SCFD2: variants seen among roughly 807,000 people sequenced by gnomAD.
SCFD2 encodes sec1 family domain containing 2, also known as sec1 family domain-containing protein 2.
A neutral mutation model predicts 58.9 loss-of-function variants in SCFD2; 54 were observed. The observed-to-expected ratio is 0.92, with a 90% CI of 0.74 to 1.15. The LOEUF (loss-of-function observed/expected upper bound fraction) is 1.15, where lower values mean the gene tolerates loss of function less well. Among genes scored for constraint, SCFD2 ranks in the 50% most tolerant of loss-of-function variants. The pLI is 0.00. For missense variants in SCFD2, 805 were observed against 836.6 expected (o/e 0.96, Z 0.47); for synonymous variants, 321 against 335.9 (o/e 0.96, Z 0.49).
At chr4:53,109,682 AAGG>A (rs1725113184) in intron 5 of SCFD2, among the ~76,000 whole-genome samples, 1 of 152,230 alleles carries the variant, frequency 6.6e-6, no homozygotes, top group Admixed American at 6.5e-5. Context: ...GGACGTCTTC[AAGG>A]AGAACTACAA....
intron 5 of SCFD2, among the ~76,000 whole-genome samples, chr4:53,057,084 C>G (rs776332574): frequency 8.5e-5 from 13 of 152,128 alleles, no homozygotes; most frequent in Non-Finnish European, 1.6e-4. Flanking sequence ...ACTCTGGAGG[C>G]TGAGGCAGGA....
chr4:53,206,836 G>A (rs1370096885), intron 4 of SCFD2, among the ~76,000 whole-genome samples: 2 of 152,068 alleles, frequency 1.3e-5, no homozygotes, highest in Non-Finnish European at 2.9e-5. Context: ...CTATATGCAT[G>A]AGTTTGCCTG....
intron 3 of SCFD2, among the ~76,000 whole-genome samples, chr4:53,307,082 A>G (rs1445909760): frequency 6.6e-6 from 1 of 152,234 alleles, no homozygotes; most frequent in African/African-American, 2.4e-5. Context: ...TGAGAAGCAA[A>G]GCCTGGAAAA....
chr4:53,211,427 G>GT (rs1728610606), intron 4 of SCFD2, among the ~76,000 whole-genome samples: 1 of 152,150 alleles, frequency 6.6e-6, no homozygotes, highest in Admixed American at 6.5e-5. Flanking sequence ...ATTGGTAAAC[G>GT]TGAGTGTTTT....
intron 2 of SCFD2, among the ~76,000 whole-genome samples, chr4:53,329,640 T>G (rs1047053714): frequency 1.6e-4 from 25 of 152,150 alleles, no homozygotes; most frequent in African/African-American, 4.3e-4. Context: ...CCACAAAGAT[T>G]GGAAAAAAAC....
intron 4 of SCFD2, among the ~76,000 whole-genome samples, chr4:53,251,828 C>A (rs955863691): frequency 6.6e-6 from 1 of 151,600 alleles, no homozygotes; most frequent in African/African-American, 2.4e-5. Context: ...TGGCACAAGA[C>A]AGGGATGCCC....
intron 3 of SCFD2, among the ~76,000 whole-genome samples, chr4:53,303,233 A>T (rs1282407141): frequency 1.3e-5 from 2 of 152,244 alleles, no homozygotes; most frequent in East Asian, 3.8e-4. Context: ...AGAATGTACA[A>T]TGAACTCAAA....
At chr4:53,203,174 A>T (rs1728304445) in intron 4 of SCFD2, among the ~76,000 whole-genome samples, 1 of 152,180 alleles carries the variant, frequency 6.6e-6, no homozygotes, top group African/African-American at 2.4e-5. Flanking sequence ...TGTCATAGAT[A>T]GCTCTTATTA....
intron 3 of SCFD2, among the ~76,000 whole-genome samples, chr4:53,307,354 C>T (rs569097403): frequency 3.9e-5 from 6 of 152,276 alleles, no homozygotes; most frequent in South Asian, 2.1e-4. Flanking sequence ...GGGTTTTAAG[C>T]GGGGGCATGG....
chr4:53,114,682 G>C (rs1347762430), intron 5 of SCFD2, among the ~76,000 whole-genome samples: 1 of 152,120 alleles, frequency 6.6e-6, no homozygotes, highest in Non-Finnish European at 1.5e-5. Flanking sequence ...TAAGAGAATT[G>C]CTTCAGGAAG....
intron 4 of SCFD2, 32 bp from the exon 5 acceptor site, chr4:53,145,614 A>C (rs1726306520): frequency 6.3e-7 from 1 of 1,588,670 alleles, no homozygotes; most frequent in African/African-American, 1.4e-5. Flanking sequence ...AAATATGTCA[A>C]TCTTGTATAA....
At position 52,963,891 on chromosome 4, in the gene SCFD2, T is replaced by C. The variant is rs553875829; in HGVS notation, c.1562-43021A>G. On this transcript the variant is annotated intron_variant, in intron 5 of 8. Coordinates refer to ENST00000401642, the MANE Select transcript of SCFD2 (RefSeq NM_152540.4). ...CTGCGCAACATTAAAAGTTCCATAT[T>C]GTGTCATTATCTGAATAGTTAATCA... Among the ~76,000 whole-genome samples the C allele has an allele frequency of 5.3e-5, 8 of 152,328 alleles. No individual in the cohort carries two copies. In the South Asian group the frequency reaches 1.7e-3, roughly 32 times the overall value.
intron 7 of SCFD2, among the ~76,000 whole-genome samples, chr4:52,897,251 G>C (rs556043536): frequency 3.3e-5 from 5 of 152,316 alleles, no homozygotes; most frequent in African/African-American, 1.2e-4. Flanking sequence ...CAAAGGGAAT[G>C]CTTCCAGTTT....
intron 4 of SCFD2, among the ~76,000 whole-genome samples, chr4:53,228,784 G>A (rs1729317575): frequency 6.6e-6 from 1 of 152,128 alleles, no homozygotes; most frequent in Non-Finnish European, 1.5e-5. Flanking sequence ...AATCAGGCAG[G>A]AGAAGGAAAT....
intron 4 of SCFD2, among the ~76,000 whole-genome samples, chr4:53,201,689 G>C (rs1189092034): frequency 6.6e-6 from 1 of 152,160 alleles, no homozygotes; most frequent in Non-Finnish European, 1.5e-5. Context: ...AGCACCTGTT[G>C]TTTCCTGACT....
rs1731251195 is a variant in SCFD2, at chr4:53,273,878, G to A, written c.1259C>T (p.Pro420Leu). Residue 420 changes from proline (P) to leucine (L), a missense_variant, in exon 4 of 9, where the codon CCA becomes CTA. Physicochemically the swap from Pro to Leu is moderately conservative, Grantham distance 98. Transcript: ENST00000401642. ...AAAGTTGTCCCACTTGGCAGTCTGT[G>A]GGTGTTTCAACGTTTGAGCTGTGGC... ...GLATAQTLKH[P>L]QTAKWDNFLA... 6.2e-7 allele frequency: 1 copy of A among 1,613,752 alleles called. No individual in the cohort carries two copies. The highest frequency in any genetic ancestry group is 1.3e-5 in the African/African-American group (1 of 74,926).
intron 5 of SCFD2, among the ~76,000 whole-genome samples, chr4:52,986,104 G>A (rs1356431153): frequency 6.6e-6 from 1 of 152,088 alleles, no homozygotes; most frequent in Non-Finnish European, 1.5e-5. Flanking sequence ...TAGGTGCCTG[G>A]GGCTGGAGGC....
chr4:52,935,093 T>C (rs1443342416), intron 5 of SCFD2, among the ~76,000 whole-genome samples: 1 of 152,198 alleles, frequency 6.6e-6, no homozygotes, highest in African/African-American at 2.4e-5. Context: ...GTGGTTACTG[T>C]GTTGCATTGC....
intron 5 of SCFD2, among the ~76,000 whole-genome samples, chr4:53,026,816 A>G (rs1285367246): frequency 2.0e-5 from 3 of 152,262 alleles, no homozygotes; most frequent in African/African-American, 7.2e-5. Context: ...AAACTTTTAA[A>G]TTCAAACCAT....
Sources: gnomAD v4.1 joint callset for allele counts (sites outside exome capture counted in the v4.1 genomes callset) on GRCh38, gnomAD v4.1.1 for gene constraint, MANE v1.5 for transcripts, NCBI Gene and HGNC (gene_info 2026-07-23, HGNC 2026-07-21) for gene names.